The following ACTL8 variants were observed in gnomAD, a reference collection of about 807,000 sequenced individuals.
ACTL8 encodes the protein actin like 8, also known as actin-like protein 8.
A neutral mutation model predicts 9.3 loss-of-function variants in ACTL8; 3 were observed. The observed-to-expected ratio is 0.32, with a 90% CI of 0.15 to 0.83. The LOEUF (loss-of-function observed/expected upper bound fraction) is 0.83. ACTL8 is among the 40% of genes least tolerant of loss of function. ACTL8 has a pLI of 0.57. For missense variants in ACTL8, 381 were observed against 492.2 expected (o/e 0.77, Z 2.14); for synonymous variants, 224 against 205.9 (o/e 1.09, Z -0.75).
chr1:17,798,766 A>T (rs974023963), intron 1 of ACTL8, among the ~76,000 whole-genome samples: 1 of 152,200 alleles, frequency 6.6e-6, no homozygotes, highest in African/African-American at 2.4e-5. Flanking sequence ...ACTTTTTTAA[A>T]GTCTTTCCTT....
chr1:17,782,297 C>T (rs528749122), intron 1 of ACTL8, among the ~76,000 whole-genome samples: 2 of 152,244 alleles, frequency 1.3e-5, no homozygotes, highest in African/African-American at 2.4e-5. Flanking sequence ...CCATTGCTTT[C>T]GCTTCTGGCA....
intron 1 of ACTL8, among the ~76,000 whole-genome samples, chr1:17,766,707 A>G (rs2066046884): frequency 6.6e-6 from 1 of 152,164 alleles, no homozygotes; most frequent in South Asian, 2.1e-4. Context: ...CAGGACTGGG[A>G]GCCATAATGT....
At chr1:17,758,282 A>G (rs946857279) in intron 1 of ACTL8, among the ~76,000 whole-genome samples, 2 of 152,248 alleles carry the variant, frequency 1.3e-5, no homozygotes, top group African/African-American at 4.8e-5. Context: ...ATGTATGGGA[A>G]GGCAGAATGC....
chr1:17,810,377 C>T (rs752324154), intron 1 of ACTL8, among the ~76,000 whole-genome samples: 2 of 152,102 alleles, frequency 1.3e-5, no homozygotes, highest in Non-Finnish European at 2.9e-5. Flanking sequence ...GATATTTTAC[C>T]TGTAAATACT....
intron 2 of ACTL8, among the ~76,000 whole-genome samples, chr1:17,825,301 C>T (rs940321894): frequency 1.3e-5 from 2 of 150,338 alleles, no homozygotes; most frequent in East Asian, 2.0e-4. Flanking sequence ...CTTTTTCCTT[C>T]GTTCTGGCGT....
chr1:17,783,443 G>C (rs995370535), intron 1 of ACTL8, among the ~76,000 whole-genome samples: 2 of 151,832 alleles, frequency 1.3e-5, no homozygotes, highest in Non-Finnish European at 2.9e-5. Flanking sequence ...TGAAGGTGGT[G>C]GTCCGTATTT....
At chr1:17,761,645 A>C (rs1373624717) in intron 1 of ACTL8, among the ~76,000 whole-genome samples, 1 of 151,512 alleles carries the variant, frequency 6.6e-6, no homozygotes, top group Non-Finnish European at 1.5e-5. Flanking sequence ...ATCTTAGCTC[A>C]CTGTAACCTC....
intron 1 of ACTL8, among the ~76,000 whole-genome samples, chr1:17,817,898 C>T (rs1027240054): frequency 4.6e-5 from 7 of 152,042 alleles, no homozygotes; most frequent in South Asian, 2.1e-4. Context: ...GACGGGGTTT[C>T]GCCATGTTGG....
At chr1:17,763,423 C>T (rs893807226) in intron 1 of ACTL8, among the ~76,000 whole-genome samples, 9 of 152,084 alleles carry the variant, frequency 5.9e-5, no homozygotes, top group African/African-American at 1.4e-4. Context: ...CCCTGGTTCC[C>T]TCTTAGTCAT....
In ACTL8 at chr1:17,807,439, T is replaced by C. The variant is rs143166243; in HGVS notation, c.-24-15546T>C. 1.4e-3 allele frequency among the ~76,000 whole-genome samples: 218 copies of C among 152,272 alleles called. 1 individual carries two copies. The highest frequency in any genetic ancestry group is 4.2e-3 in the African/African-American group (176 of 41,558). ...TCCCAACTGTGCCTCAGTTTCCTTA[T>C]GAAACTGAGGCAGATGATAGTACTG... On this transcript the variant is annotated intron_variant, in intron 1 of 2. Transcript: ENST00000375406.
At position 17,808,885 on chromosome 1, in the gene ACTL8, G is replaced by T. The variant is rs545703450; in HGVS notation, c.-24-14100G>T. Among the ~76,000 whole-genome samples the T allele has an allele frequency of 2.6e-5, 4 of 152,328 alleles. No homozygotes were observed. In the East Asian group the frequency reaches 7.7e-4, roughly 29 times the overall value. ...GCGTGGCTTTAGCTTCAGGTGCATG[G>T]AGAAGATGGGGAAAGTTGGCCAGAG... On this transcript the variant is annotated intron_variant, in intron 1 of 2. Coordinates refer to ENST00000375406, the MANE Select transcript of ACTL8 (RefSeq NM_030812.3).
chr1:17,799,389 G>A (rs1349365891), intron 1 of ACTL8, among the ~76,000 whole-genome samples: 1 of 151,924 alleles, frequency 6.6e-6, no homozygotes, highest in Admixed American at 6.6e-5. Context: ...CTCCTTATAT[G>A]CTTGCTGTTT....
intron 1 of ACTL8, among the ~76,000 whole-genome samples, chr1:17,800,724 A>G (rs2066315891): frequency 6.7e-6 from 1 of 150,360 alleles, no homozygotes; most frequent in Non-Finnish European, 1.5e-5. Flanking sequence ...CCTCCCGAGT[A>G]GCTAGGACTA....
chr1:17,822,947 G>C (rs1308833594), intron 1 of ACTL8, 38 bp from the exon 2 acceptor site: 36 of 1,443,746 alleles, frequency 2.5e-5, no homozygotes, highest in Non-Finnish European at 3.0e-5. Flanking sequence ...GGTGGCCTAG[G>C]CTGCCTGCAC....
intron 1 of ACTL8, among the ~76,000 whole-genome samples, chr1:17,820,853 T>C (rs2053654059): frequency 6.6e-6 from 1 of 152,140 alleles, no homozygotes; most frequent in Non-Finnish European, 1.5e-5. Context: ...TGCTGAACTT[T>C]TTAAGAAACT....
At chr1:17,790,235 C>T (rs1049366648) in intron 1 of ACTL8, among the ~76,000 whole-genome samples, 8 of 152,220 alleles carry the variant, frequency 5.3e-5, no homozygotes, top group Non-Finnish European at 1.2e-4. Flanking sequence ...GAGTCACAGC[C>T]CTGGCATGGG....
At chr1:17,800,530 C>T (rs990360113) in intron 1 of ACTL8, among the ~76,000 whole-genome samples, 26 of 145,260 alleles carry the variant, frequency 1.8e-4, no homozygotes, top group African/African-American at 5.2e-4. Context: ...GCCGGGACTT[C>T]GTTTGATGTT....
intron 1 of ACTL8, among the ~76,000 whole-genome samples, chr1:17,764,535 G>A (rs557700025): frequency 6.6e-6 from 1 of 152,106 alleles, no homozygotes; most frequent in South Asian, 2.1e-4. Context: ...TTGGAGGTGG[G>A]GTTGGTGATG....
intron 1 of ACTL8, among the ~76,000 whole-genome samples, chr1:17,805,477 G>T (rs981877611): frequency 4.1e-5 from 6 of 147,700 alleles, no homozygotes; most frequent in Admixed American, 6.9e-5. Context: ...CCTCTGCTGG[G>T]TTCAAGCGAT....
Sources: gnomAD v4.1 joint callset for allele counts (sites outside exome capture counted in the v4.1 genomes callset) on GRCh38, gnomAD v4.1.1 for gene constraint, MANE v1.5 for transcripts, NCBI Gene and HGNC (gene_info 2026-07-23, HGNC 2026-07-21) for gene names.